Variants in C6orf89 observed in about 807,000 individuals in gnomAD.
C6orf89 encodes bombesin receptor-activated protein C6orf89.
A neutral mutation model predicts 40.7 loss-of-function variants in C6orf89; 29 were observed. The ratio of observed to expected loss-of-function variants is 0.71; its 90% CI spans 0.53 to 0.97. The LOEUF is 0.97. Among genes scored for constraint, C6orf89 ranks in the 50% least tolerant of loss-of-function variants. C6orf89 has a pLI of 0.00. For synonymous variants in C6orf89, 165 were observed against 152.2 expected (o/e 1.08, Z -0.62); for missense variants, 392 against 429.1 (o/e 0.91, Z 0.76).
chr6:36,885,918 T>G, upstream of C6orf89: 9 of 1,021,238 alleles, frequency 8.8e-6, no homozygotes, highest in East Asian at 3.3e-5. Flanking sequence ...CGCCCAGGAG[T>G]GGGGGGTTGC....
At position 36,901,318 on chromosome 6, in the gene C6orf89, A is replaced by ATTTTTTTT. The variant is rs1408790414; in HGVS notation, c.190-901_190-900insTTTTTTTT. Among the ~76,000 whole-genome samples the ATTTTTTTT allele has an allele frequency of 7.4e-4, 48 of 65,022 alleles. 1 individual carries two copies. Among genetic ancestry groups the ATTTTTTTT allele is most frequent in the Non-Finnish European group, 1.1e-3 (38 of 33,338 alleles). The allele number at this position is 65,022 out of a possible 152,430, so 42.7% of individuals were successfully genotyped here. On this transcript the variant is annotated intron_variant, in intron 3 of 8. Coordinates refer to ENST00000480824, the MANE Select transcript of C6orf89 (RefSeq NM_001286635.2). The stretch of plus-strand genomic sequence containing the variant: ...TATTATTATTATTATTATTATTATT[A>ATTTTTTTT]TTATTTTTTTTTTTTTTTTTTTTTT...
intron 4 of C6orf89, among the ~76,000 whole-genome samples, chr6:36,904,869 C>T (rs907627053): frequency 2.0e-5 from 3 of 152,118 alleles, no homozygotes; most frequent in African/African-American, 4.8e-5. Context: ...GCAGCTGCAG[C>T]CTTGGTGATG....
At chr6:36,898,429 G>A (rs1176544780) in intron 2 of C6orf89, among the ~76,000 whole-genome samples, 2 of 151,984 alleles carry the variant, frequency 1.3e-5, no homozygotes, top group South Asian at 2.1e-4. Flanking sequence ...ACAGGCACCC[G>A]CCACCATGCC....
At chr6:36,876,484 G>A (rs1774655403) in intron 1 of C6orf89, among the ~76,000 whole-genome samples, 2 of 152,210 alleles carry the variant, frequency 1.3e-5, no homozygotes, top group Non-Finnish European at 2.9e-5. Flanking sequence ...TGGCACTTTC[G>A]GAGGCCGAGG....
intron 1 of C6orf89, among the ~76,000 whole-genome samples, chr6:36,891,697 G>A (rs1761215111): frequency 6.6e-6 from 1 of 152,096 alleles, no homozygotes. Context: ...ATACTTCATG[G>A]GTAGTGTAAT....
At chr6:36,889,544 C>T (rs1246969972) in intron 1 of C6orf89, among the ~76,000 whole-genome samples, 1 of 141,804 alleles carries the variant, frequency 7.1e-6, no homozygotes, top group Non-Finnish European at 1.5e-5. Context: ...AAGACTTCTT[C>T]AAGTATGTCA....
At chr6:36,895,446 A>T (rs1761386784) in intron 2 of C6orf89, among the ~76,000 whole-genome samples, 4 of 152,178 alleles carry the variant, frequency 2.6e-5, no homozygotes, top group Admixed American at 2.6e-4. Context: ...TCAGGTGACA[A>T]CCGACTGGGT....
chr6:36,883,227 G>C (rs1311428382), upstream of C6orf89: 2 of 152,186 alleles, frequency 1.3e-5, no homozygotes, highest in African/African-American at 4.8e-5. Context: ...CAGAGAAAGA[G>C]AAAGACTGTC....
chr6:36,923,377 A>G lies in C6orf89; in HGVS notation c.980A>G (p.Tyr327Cys), dbSNP rs752892241. 1.1e-5 allele frequency: 17 copies of G among 1,614,008 alleles called. No homozygotes were observed. Among genetic ancestry groups the G allele is most frequent in the South Asian group, 1.1e-5 (1 of 91,082 alleles). The change falls in exon 9 of 9, where the codon TAC becomes TGC. Residue 327 changes from tyrosine to cysteine, a missense_variant. Transcript: ENST00000480824. ...GYVDTTHWKV[Y>C]VIARGVQPLV... ...GTCGACACCACCCACTGGAAGGTCT[A>G]CGTTATAGCCAGAGGGGTCCAGCCT...
At chr6:36,873,704 C>G (rs1439558602) in intron 1 of C6orf89, among the ~76,000 whole-genome samples, 1 of 152,100 alleles carries the variant, frequency 6.6e-6, no homozygotes, top group African/African-American at 2.4e-5. Context: ...GGCCAGGGAG[C>G]ATGAAATGAA....
upstream of C6orf89, among the ~76,000 whole-genome samples, chr6:36,885,520 G>C (rs535746081): frequency 2.6e-5 from 4 of 152,278 alleles, no homozygotes; most frequent in Non-Finnish European, 5.9e-5. Context: ...CTAATGAGTG[G>C]GCTGAGTGAA....
chr6:36,902,085 T>A (rs1301224434), intron 3 of C6orf89, 136 bp from the exon 4 acceptor site: 9 of 694,628 alleles, frequency 1.3e-5, no homozygotes, highest in Non-Finnish European at 1.9e-5. Context: ...TAAACCTAAG[T>A]GGCTTGTTTA....
At chr6:36,899,660 GC>G in intron 3 of C6orf89, 27 bp downstream of exon 3, 1 of 1,597,986 alleles carries the variant, frequency 6.3e-7, no homozygotes, top group South Asian at 1.1e-5. Context: ...GTTGGTAATT[GC>G]TTCAACAGAA....
chr6:36,896,233 A>G (rs1056943778), intron 2 of C6orf89, among the ~76,000 whole-genome samples: 8 of 152,048 alleles, frequency 5.3e-5, no homozygotes, highest in African/African-American at 1.7e-4. Flanking sequence ...TCAGCCTCCC[A>G]GATAGCTGGG....
chr6:36,891,148 C>A (rs115865468), intron 1 of C6orf89, among the ~76,000 whole-genome samples: 156 of 152,232 alleles, frequency 1.0e-3, no homozygotes, highest in Non-Finnish European at 1.9e-3. Flanking sequence ...TCCCCACTCC[C>A]CTACCCCACT....
intron 8 of C6orf89, 30 bp from the exon 9 acceptor site, chr6:36,923,317 C>T: frequency 1.3e-6 from 2 of 1,574,886 alleles, no homozygotes; most frequent in Non-Finnish European, 1.7e-6. Flanking sequence ...CTGACATTTA[C>T]ATGCCTTCCT....
At chr6:36,895,343 A>G (rs1761381777) in intron 2 of C6orf89, among the ~76,000 whole-genome samples, 1 of 152,068 alleles carries the variant, frequency 6.6e-6, no homozygotes, top group Non-Finnish European at 1.5e-5. Flanking sequence ...TTTTGGTGTT[A>G]TTGTTAGTAT....
chr6:36,888,176 G>C (rs1775064678), intron 1 of C6orf89, among the ~76,000 whole-genome samples: 1 of 152,192 alleles, frequency 6.6e-6, no homozygotes, highest in Non-Finnish European at 1.5e-5. Context: ...GGCTTAGAGA[G>C]GATGAGTAGT....
chr6:36,903,038 C>T (rs904747000), intron 4 of C6orf89, among the ~76,000 whole-genome samples: 3 of 151,180 alleles, frequency 2.0e-5, no homozygotes, highest in Non-Finnish European at 2.9e-5. Context: ...GTCTGATAGA[C>T]TATTTGAGGG....
Sources: gnomAD v4.1 joint callset for allele counts (sites outside exome capture counted in the v4.1 genomes callset) on GRCh38, gnomAD v4.1.1 for gene constraint, MANE v1.5 for transcripts, NCBI Gene and HGNC (gene_info 2026-07-23, HGNC 2026-07-21) for gene names.